IFNG-AS1: variants seen among roughly 807,000 people sequenced by gnomAD.
IFNG-AS1 encodes IFNG regulatory antisense RNA 1.
intron 3 of IFNG-AS1, among the ~76,000 whole-genome samples, chr12:68,011,352 C>T (rs182609506): frequency 6.6e-6 from 1 of 152,278 alleles, no homozygotes; most frequent in Admixed American, 6.5e-5. Context: ...AGAATTTAAA[C>T]AGTTTTAACA....
intron 1 of IFNG-AS1, among the ~76,000 whole-genome samples, chr12:67,991,034 A>C (rs185275839): frequency 4.3e-4 from 66 of 152,350 alleles, no homozygotes; most frequent in Non-Finnish European, 8.2e-4. Flanking sequence ...GTTTCAAACA[A>C]GTTGCTGTCC....
intron 2 of IFNG-AS1, among the ~76,000 whole-genome samples, chr12:68,001,045 T>C (rs1415435862): frequency 6.6e-6 from 1 of 152,182 alleles, no homozygotes; most frequent in Non-Finnish European, 1.5e-5. Context: ...CACTACTCAA[T>C]AGTTACCTCA....
At chr12:68,004,033 C>T (rs1879849424) in intron 2 of IFNG-AS1, among the ~76,000 whole-genome samples, 1 of 151,978 alleles carries the variant, frequency 6.6e-6, no homozygotes, top group Non-Finnish European at 1.5e-5. Flanking sequence ...CTGGATAAAG[C>T]CCTGCCCTAG....
At chr12:68,015,162 T>C (rs1880120278) in intron 3 of IFNG-AS1, among the ~76,000 whole-genome samples, 1 of 152,156 alleles carries the variant, frequency 6.6e-6, no homozygotes, top group African/African-American at 2.4e-5. Context: ...TACTGAGGTC[T>C]TATCTAAAGC....
chr12:68,007,641 C>T (rs146034431), intron 3 of IFNG-AS1, among the ~76,000 whole-genome samples: 4 of 152,328 alleles, frequency 2.6e-5, no homozygotes, highest in African/African-American at 9.6e-5. Context: ...CACTATAATA[C>T]ATGAACAGCT....
In IFNG-AS1 at chr12:68,015,318, A is replaced by G. The variant is rs1258324950; in HGVS notation, n.242-4544A>G. Among the ~76,000 whole-genome samples, 8 of 152,120 alleles carry G rather than the reference A, an allele frequency of 5.3e-5. 1 individual carries two copies. The highest frequency in any genetic ancestry group is 4.6e-4 in the Admixed American group (7 of 15,274). ...TTCTCCATAATAAAGACATAGCCAG[A>G]GGAAAGCTGCAAACAAGCCACCCCT... On this transcript the variant is annotated intron_variant and non_coding_transcript_variant, in intron 3 of 5. Transcript: ENST00000536914.
chr12:68,015,571 A>G (rs1348900069), intron 3 of IFNG-AS1, among the ~76,000 whole-genome samples: 1 of 152,072 alleles, frequency 6.6e-6, no homozygotes, highest in Non-Finnish European at 1.5e-5. Context: ...AAACAGTGCA[A>G]TTTTTCCTTA....
chr12:68,021,256 A>G (rs879527861), intron 4 of IFNG-AS1: 1 of 152,232 alleles, frequency 6.6e-6, no homozygotes, highest in Non-Finnish European at 1.5e-5. Context: ...GTAATTTTTC[A>G]TCATGCCTTA....
intron 3 of IFNG-AS1, among the ~76,000 whole-genome samples, chr12:68,014,756 T>A (rs1328931014): frequency 6.6e-6 from 1 of 151,096 alleles, no homozygotes; most frequent in African/African-American, 2.4e-5. Flanking sequence ...CACAATCACA[T>A]ACACCAGTTC....
At chr12:68,011,772 G>T (rs1880033973) in intron 3 of IFNG-AS1, among the ~76,000 whole-genome samples, 1 of 152,178 alleles carries the variant, frequency 6.6e-6, no homozygotes, top group African/African-American at 2.4e-5. Flanking sequence ...AATCAATGGT[G>T]TTGGGGCCTC....
chr12:67,995,254 C>G (rs1357426270), intron 1 of IFNG-AS1, among the ~76,000 whole-genome samples: 1 of 151,554 alleles, frequency 6.6e-6, no homozygotes, highest in African/African-American at 2.4e-5. Flanking sequence ...AACCCTGTCT[C>G]TACAAAAAAT....
rs546589204 is a variant in IFNG-AS1, at chr12:68,009,017, C to T, written n.241+2871C>T. 1.2e-4 allele frequency among the ~76,000 whole-genome samples: 19 copies of T among 152,286 alleles called. No homozygotes were observed. The East Asian group carries it at 3.7e-3, about 29-fold the overall frequency. ...AATACAACTTTTGAGTCCAAATAAT[C>T]TAAATTCCAAACTTGGCCATTTGAC... On this transcript the variant is annotated intron_variant and non_coding_transcript_variant, in intron 3 of 5. Coordinates refer to ENST00000536914, the Ensembl canonical transcript of IFNG-AS1.
intron 4 of IFNG-AS1, chr12:68,020,266 C>T (rs1007020371): frequency 2.6e-5 from 4 of 152,136 alleles, no homozygotes; most frequent in Non-Finnish European, 5.9e-5. Flanking sequence ...TGTCACATGC[C>T]GTAGGCAGCC....
At chr12:68,001,381 C>A in intron 2 of IFNG-AS1, 1 of 201,862 alleles carries the variant, frequency 5.0e-6, no homozygotes, top group South Asian at 9.5e-5. Flanking sequence ...AGTGCCATCT[C>A]ATGTGCAAGT....
At chr12:68,001,003 G>A (rs1879754463) in intron 2 of IFNG-AS1, among the ~76,000 whole-genome samples, 1 of 152,046 alleles carries the variant, frequency 6.6e-6, no homozygotes, top group Admixed American at 6.6e-5. Flanking sequence ...CTCTATAAAG[G>A]ATAGGCCTAT....
chr12:68,020,456 C>A (rs1199045550), intron 4 of IFNG-AS1: 1 of 152,172 alleles, frequency 6.6e-6, no homozygotes, highest in East Asian at 1.9e-4. Context: ...AACACACCAA[C>A]ACATTAAAAT....
intron 2 of IFNG-AS1, among the ~76,000 whole-genome samples, chr12:68,003,252 T>C (rs1443417622): frequency 6.6e-6 from 1 of 152,100 alleles, no homozygotes; most frequent in African/African-American, 2.4e-5. Flanking sequence ...GGAGCCCCAG[T>C]TGTGTTTAAC....
intron 3 of IFNG-AS1, among the ~76,000 whole-genome samples, chr12:68,011,786 G>A (rs1301101614): frequency 6.6e-6 from 1 of 152,148 alleles, no homozygotes; most frequent in Non-Finnish European, 1.5e-5. Flanking sequence ...GGGCCTCACC[G>A]AGGCAGCCCA....
chr12:68,001,187 T>A (rs1301667426), intron 2 of IFNG-AS1, among the ~76,000 whole-genome samples: 1 of 152,232 alleles, frequency 6.6e-6, no homozygotes, highest in African/African-American at 2.4e-5. Flanking sequence ...TCATGATGAA[T>A]GCTGTCTTAA....
Sources: gnomAD v4.1 joint callset for allele counts (sites outside exome capture counted in the v4.1 genomes callset) on GRCh38, gnomAD v4.1.1 for gene constraint, MANE v1.5 for transcripts, NCBI Gene and HGNC (gene_info 2026-07-23, HGNC 2026-07-21) for gene names.